The following CACNB4 variants were observed in gnomAD, a reference collection of about 807,000 sequenced individuals.
CACNB4 encodes the protein calcium voltage-gated channel auxiliary subunit beta 4.
In CACNB4, 32 loss-of-function variants were observed where a neutral mutation model predicts 71.2. The observed-to-expected ratio is 0.45, with a 90% CI of 0.34 to 0.60. The LOEUF (loss-of-function observed/expected upper bound fraction) is 0.60. Among genes scored for constraint, CACNB4 ranks in the 20% least tolerant of loss-of-function variants. The probability of loss-of-function intolerance (pLI) is 0.01; values close to 1 mark genes in which losing one functional copy is unlikely to be tolerated. For synonymous variants in CACNB4, 231 were observed against 236.9 expected, an observed-to-expected ratio of 0.97 and a Z score of 0.23; for missense variants, 464 against 647.9, an observed-to-expected ratio of 0.72 and a Z score of 3.08.
chr2:152,098,457 G>T lies in CACNB4; in HGVS notation c.64-44C>A, dbSNP rs1688403877. On this transcript the variant is annotated intron_variant, in intron 1 of 13. Coordinates refer to ENST00000539935, the MANE Select transcript of CACNB4 (RefSeq NM_000726.5). This position sits in a 1 kb window ranked among gnomAD's most constrained non-coding sequence, Gnocchi z 5.3. ...GGCCAGAGAGAAGCCGGTGAGGACC[G>T]CAGCGCAGAGCGGGGCGACCACCCC... 1 of 1,542,230 alleles carries T rather than the reference G, an allele frequency of 6.5e-7. No homozygotes were observed. Among genetic ancestry groups the T allele is most frequent in the Non-Finnish European group, 9.0e-7 (1 of 1,115,262 alleles).
intron 2 of CACNB4, among the ~76,000 whole-genome samples, chr2:151,925,330 G>A: frequency 6.6e-6 from 1 of 152,188 alleles, no homozygotes; most frequent in Admixed American, 6.5e-5. Context: ...TATATTTGGA[G>A]GATGTACGTC....
rs1805028 is a variant in CACNB4 at position 151,841,966 on chromosome 2, C to T, written c.1239G>A (p.Leu413=). 92,000 of 1,613,638 alleles carry T rather than the reference C, an allele frequency of 0.057. 5,773 individuals are homozygous for T. Among genetic ancestry groups the T allele is most frequent in the East Asian group, 0.37 (16,710 of 44,846 alleles). The change falls in exon 13 of 14, where the codon CTG becomes CTA. Residue 413 remains leucine (L), a synonymous_variant. Transcript: ENST00000539935. The stretch of plus-strand genomic sequence containing the variant: ...CCGTGGAGCCCAAATTCCTTCCCAG[C>T]AGCGGGGTCATGGGTGTGCTACTGG... The part of the protein sequence containing the change: ...HTTSSTPMTP[L]LGRNLGSTAL...
chr2:152,083,340 G>A (rs1687464139), intron 2 of CACNB4, among the ~76,000 whole-genome samples: 1 of 111,828 alleles, frequency 8.9e-6, no homozygotes. Flanking sequence ...AAGCAAGGAA[G>A]GAAGGAAGGA....
At chr2:151,906,812 C>T (rs559498682) in intron 2 of CACNB4, among the ~76,000 whole-genome samples, 9 of 152,186 alleles carry the variant, frequency 5.9e-5, no homozygotes, top group South Asian at 2.1e-4. Flanking sequence ...TCCCTGAACA[C>T]ATCATGTAGA....
intron 2 of CACNB4, among the ~76,000 whole-genome samples, chr2:152,061,967 G>A (rs529359936): frequency 2.2e-4 from 33 of 150,898 alleles, no homozygotes; most frequent in African/African-American, 2.7e-4. Flanking sequence ...AGCGGAGATC[G>A]CGCCACTGTA....
chr2:152,017,463 T>G (rs1365831293), intron 2 of CACNB4, among the ~76,000 whole-genome samples: 1 of 148,872 alleles, frequency 6.7e-6, no homozygotes, highest in African/African-American at 2.6e-5. Context: ...ATCCCAGCAT[T>G]TTGGGAGGCT....
At chr2:151,933,465 C>G (rs978083389) in intron 2 of CACNB4, among the ~76,000 whole-genome samples, 2 of 152,030 alleles carry the variant, frequency 1.3e-5, no homozygotes, top group African/African-American at 4.8e-5. Flanking sequence ...TCACCACAAC[C>G]TTTGAGGGTG....
chr2:151,861,043 C>T, intron 9 of CACNB4: 1 of 517,182 alleles, frequency 1.9e-6, no homozygotes, highest in Non-Finnish European at 3.4e-6. Flanking sequence ...AAAAAACCTA[C>T]TCCAGTAAAA....
chr2:151,849,341 C>T (rs1244766655), intron 12 of CACNB4, among the ~76,000 whole-genome samples: 9 of 152,026 alleles, frequency 5.9e-5, no homozygotes, highest in Admixed American at 5.9e-4. Context: ...CACTGCAGCT[C>T]CAAACTCCTG....
intron 2 of CACNB4, chr2:151,969,893 C>A (rs1218618654): frequency 6.6e-6 from 1 of 152,016 alleles, no homozygotes; most frequent in Non-Finnish European, 1.5e-5. Flanking sequence ...ATTATGATTC[C>A]TTTCTATGAT....
chr2:151,869,427 C>T (rs574794712), intron 8 of CACNB4, 192 bp from the exon 9 acceptor site: 107 of 530,746 alleles, frequency 2.0e-4, no homozygotes, highest in Non-Finnish European at 3.2e-4. Flanking sequence ...TTTCCACCCC[C>T]CTTGGTTCTC....
intron 2 of CACNB4, among the ~76,000 whole-genome samples, chr2:151,920,298 C>A (rs1578798916): frequency 7.8e-6 from 1 of 127,504 alleles, no homozygotes. Context: ...AGTCTAGAGT[C>A]TTTTCTTCTT....
At chr2:151,905,117 C>G (rs1410383871) in intron 2 of CACNB4, among the ~76,000 whole-genome samples, 1 of 152,180 alleles carries the variant, frequency 6.6e-6, no homozygotes, top group Non-Finnish European at 1.5e-5. Flanking sequence ...ATACTGTACT[C>G]TTAAATGTAG....
chr2:151,873,246 T>C (rs550296706), intron 5 of CACNB4: 2 of 152,332 alleles, frequency 1.3e-5, no homozygotes, highest in South Asian at 4.1e-4. Flanking sequence ...GTAGGACATA[T>C]CAGTACAGGT....
At chr2:151,987,074 T>G (rs1252628086) in intron 2 of CACNB4, among the ~76,000 whole-genome samples, 2 of 152,142 alleles carry the variant, frequency 1.3e-5, no homozygotes, top group African/African-American at 2.4e-5. Flanking sequence ...AATCCATTAG[T>G]GGGAAATTCA....
chr2:152,036,116 C>T (rs928715017), intron 2 of CACNB4, among the ~76,000 whole-genome samples: 5 of 152,062 alleles, frequency 3.3e-5, no homozygotes, highest in Non-Finnish European at 7.3e-5. Flanking sequence ...CAGTAAAACT[C>T]TTAGAAGTAG....
chr2:152,078,814 G>A (rs1337094144), intron 2 of CACNB4, among the ~76,000 whole-genome samples: 4 of 152,124 alleles, frequency 2.6e-5, no homozygotes, highest in Non-Finnish European at 5.9e-5. Context: ...AACCACCCAC[G>A]CTGAACTGCC....
chr2:151,924,147 C>A (rs937716416), intron 2 of CACNB4, among the ~76,000 whole-genome samples: 2 of 129,756 alleles, frequency 1.5e-5, no homozygotes, highest in Non-Finnish European at 3.1e-5. Flanking sequence ...GGCGCAATCT[C>A]GGCTCACTGC....
chr2:151,965,178 C>G (rs1424965716), intron 2 of CACNB4, among the ~76,000 whole-genome samples: 3 of 152,178 alleles, frequency 2.0e-5, no homozygotes, highest in Non-Finnish European at 4.4e-5. Flanking sequence ...GGGAACTAAT[C>G]TGTTTATGCA....
Sources: gnomAD v4.1 joint callset for allele counts (sites outside exome capture counted in the v4.1 genomes callset) on GRCh38, gnomAD v4.1.1 for gene constraint, Gnocchi (gnomAD v3.1) non-coding constraint, MANE v1.5 for transcripts, NCBI Gene and HGNC (gene_info 2026-07-23, HGNC 2026-07-21) for gene names.